The following MRPS23 variants were observed in gnomAD, a reference collection of about 807,000 sequenced individuals.
The protein encoded by MRPS23 is small ribosomal subunit protein mS23.
Under a neutral mutation model 19.8 loss-of-function variants are expected in MRPS23, and 14 were observed. That is an observed-to-expected ratio of 0.71 (90% confidence interval 0.47 to 1.11). MRPS23 has a LOEUF of 1.11. Ranked by LOEUF, MRPS23 falls within the 50% of genes least tolerant of loss-of-function variation. The probability of loss-of-function intolerance (pLI) is 0.00; values close to 1 mark genes in which losing one functional copy is unlikely to be tolerated. For missense variants in MRPS23, 242 were observed against 236.7 expected (o/e 1.02, Z -0.15); for synonymous variants, 113 against 89.7 (o/e 1.26, Z -1.47).
At chr17:57,847,017 G>A (rs2073780756) in intron 2 of MRPS23, among the ~76,000 whole-genome samples, 1 of 151,940 alleles carries the variant, frequency 6.6e-6, no homozygotes, top group African/African-American at 2.4e-5. Context: ...TTGCTAGGAG[G>A]CCGGGCACGG....
At chr17:57,842,197 A>AG (rs2073744000) in intron 2 of MRPS23, among the ~76,000 whole-genome samples, 2 of 152,162 alleles carry the variant, frequency 1.3e-5, no homozygotes, top group South Asian at 4.1e-4. Context: ...AAATTTTTGT[A>AG]GAGATGCAGT....
chr17:57,844,653 C>T (rs2073760774), intron 2 of MRPS23, among the ~76,000 whole-genome samples: 1 of 149,820 alleles, frequency 6.7e-6, no homozygotes, highest in Non-Finnish European at 1.5e-5. Context: ...TGCCTGTAAT[C>T]CCAGCTACTC....
At chr17:57,840,215 G>A (rs150759612) in intron 4 of MRPS23, among the ~76,000 whole-genome samples, 55 of 152,198 alleles carry the variant, frequency 3.6e-4, no homozygotes, top group African/African-American at 1.2e-3. Flanking sequence ...GTGAAACCCC[G>A]TCTCTTCTAA....
At chr17:57,848,670 C>G (rs917203137) in intron 2 of MRPS23, 2 of 151,114 alleles carry the variant, frequency 1.3e-5, no homozygotes, top group Admixed American at 1.3e-4. Context: ...CCACCGCACC[C>G]GGCCTCTCTT....
Position 57,849,896 on chromosome 17 carries a change from A to G in MRPS23, c.44+71T>C, listed in dbSNP as rs934750700. 1.4e-5 allele frequency: 22 copies of G among 1,524,238 alleles called. No individual in the cohort carries two copies. In the African/African-American group the frequency reaches 2.9e-4, roughly 20 times the overall value. 94.4% of individuals were successfully genotyped at this position (1,524,238 alleles called of 1,614,324 possible). A position where few individuals can be genotyped will look rare whatever the true frequency, so the allele number is the denominator to read the frequency against. On this transcript the variant is annotated intron_variant, in intron 1 of 4. Transcript: ENST00000313608. ...CGCCCTGCTCAGGTCCGCTCCAAGG[A>G]AGAGCGTGACCGGCTGAGAACCCCA...
At chr17:57,842,922 A>ACACACACG (rs2073749942) in intron 2 of MRPS23, among the ~76,000 whole-genome samples, 2 of 147,042 alleles carry the variant, frequency 1.4e-5, no homozygotes, top group Non-Finnish European at 3.0e-5. Flanking sequence ...ACACACACAC[A>ACACACACG]CACACACACA....
At position 57,839,790 on chromosome 17, in the gene MRPS23, G is replaced by A. The variant is rs931186467; in HGVS notation, c.566C>T (p.Pro189Leu). 1.2e-6 allele frequency: 2 copies of A among 1,614,072 alleles called. No individual in the cohort carries two copies. The highest frequency in any genetic ancestry group is 1.7e-6 in the Non-Finnish European group (2 of 1,179,972). Residue 189 changes from proline (P) to leucine (L), a missense_variant, in exon 5 of 5, where the codon CCT (proline) becomes CTT (leucine). Physicochemically the swap from Pro to Leu is moderately conservative, Grantham distance 98. Coordinates refer to ENST00000313608, the MANE Select transcript of MRPS23 (RefSeq NM_016070.4). The stretch of plus-strand genomic sequence containing the variant: ...ACACAGTATACAGGTCCTTCAGGGA[G>A]GCAAGAGACCTTTCGACTGGTCTGC... ...APADQSKGLL[P>L]P is the part of the protein sequence containing the mutation.
intron 2 of MRPS23, among the ~76,000 whole-genome samples, chr17:57,843,778 G>A (rs975109895): frequency 1.3e-5 from 2 of 152,164 alleles, no homozygotes; most frequent in African/African-American, 4.8e-5. Flanking sequence ...AAGCCACCTG[G>A]TCTATGGTAA....
rs1012128943 is a variant in MRPS23 at position 57,835,956 on chromosome 17, T to C, written c.*3827A>G. On this transcript the variant is annotated 3_prime_UTR_variant, in exon 5 of 5. Coordinates refer to ENST00000313608, the MANE Select transcript of MRPS23 (RefSeq NM_016070.4). ...GAATTTCTGCCCTCCTTTATACTTT[T>C]TTTTTTTTTTTTTTTGAGACAGTGT... is the stretch of plus-strand genomic sequence containing the variant. 11 of 150,216 alleles carry C rather than the reference T, an allele frequency of 7.3e-5. No homozygotes were observed. Among genetic ancestry groups the C allele is most frequent in the South Asian group, 2.1e-4 (1 of 4,716 alleles). The allele number at this position is 150,216 out of a possible 1,614,324, so 9.3% of individuals were successfully genotyped here.
At chr17:57,841,717 T>C (rs2073741589) in intron 2 of MRPS23, among the ~76,000 whole-genome samples, 1 of 152,172 alleles carries the variant, frequency 6.6e-6, no homozygotes, top group Non-Finnish European at 1.5e-5. Context: ...TCCCAGCACT[T>C]TGGGAGGCTG....
intron 4 of MRPS23, among the ~76,000 whole-genome samples, chr17:57,840,159 G>A (rs200811180): frequency 4.2e-4 from 64 of 152,216 alleles, no homozygotes; most frequent in Admixed American, 2.5e-3. Context: ...AGGCTGAGGC[G>A]GGCGGATCAC....
At chr17:57,844,775 CAAAAAAAA>C (rs570457265) in intron 2 of MRPS23, among the ~76,000 whole-genome samples, 12 of 99,024 alleles carry the variant, frequency 1.2e-4, no homozygotes, top group Non-Finnish European at 2.5e-4. Flanking sequence ...GACTCCATCT[CAAAAAAAA>C]AAAAAAAAAA....
At chr17:57,842,347 A>G (rs2073744722) in intron 2 of MRPS23, among the ~76,000 whole-genome samples, 1 of 152,202 alleles carries the variant, frequency 6.6e-6, no homozygotes, top group South Asian at 2.1e-4. Flanking sequence ...CAATTAAGTG[A>G]CATGTAGAAA....
At chr17:57,843,616 A>G (rs758488170) in intron 2 of MRPS23, among the ~76,000 whole-genome samples, 1 of 152,160 alleles carries the variant, frequency 6.6e-6, no homozygotes, top group Non-Finnish European at 1.5e-5. Context: ...TAGTGCCCCT[A>G]TAAGAGATAG....
At chr17:57,848,583 C>A (rs574412382) in intron 2 of MRPS23, among the ~76,000 whole-genome samples, 10 of 152,018 alleles carry the variant, frequency 6.6e-5, no homozygotes, top group African/African-American at 2.4e-4. Flanking sequence ...CCATGTTGGT[C>A]TGACTGGTCT....
At chr17:57,848,933 A>G (rs909530563) in intron 2 of MRPS23, 17 of 254,382 alleles carry the variant, frequency 6.7e-5, no homozygotes, top group African/African-American at 3.8e-4. Context: ...TACAAGTTAG[A>G]GTAAGGCCTT....
At chr17:57,844,885 T>C (rs564288077) in intron 2 of MRPS23, among the ~76,000 whole-genome samples, 2 of 152,220 alleles carry the variant, frequency 1.3e-5, no homozygotes, top group East Asian at 3.9e-4. Context: ...ACAAATGATT[T>C]TTTAAATTTT....
At chr17:57,840,558 T>G (rs9911992) in intron 4 of MRPS23, among the ~76,000 whole-genome samples, 35,040 of 152,024 alleles carry the variant, frequency 0.23, 4,393 homozygotes, top group Non-Finnish European at 0.29. Context: ...AGTCTCTCTT[T>G]AACTTCCATC....
chr17:57,844,648 G>A lies in MRPS23; in HGVS notation c.216-3388C>T, dbSNP rs993357428. Among the ~76,000 whole-genome samples, 5 of 149,782 alleles carry A rather than the reference G, an allele frequency of 3.3e-5. 1 individual carries two copies. In the East Asian group the frequency reaches 7.9e-4, roughly 24 times the overall value. On this transcript the variant is annotated intron_variant, in intron 2 of 4. Coordinates refer to ENST00000313608, the MANE Select transcript of MRPS23 (RefSeq NM_016070.4). Reference sequence around the variant, plus strand: ...TAGCCCGCCGTGGTGACACATGCCTGTAATCCCAGCTACTCGGGAGGCTGA... The same window carrying A: ...TAGCCCGCCGTGGTGACACATGCCTATAATCCCAGCTACTCGGGAGGCTGA...
Sources: allele counts gnomAD v4.1 joint callset (sites outside exome capture counted in the v4.1 genomes callset), GRCh38; gene constraint gnomAD v4.1.1; transcripts MANE v1.5; gene names NCBI Gene and HGNC (gene_info 2026-07-23, HGNC 2026-07-21).